VAV3: variants seen among roughly 807,000 people sequenced by gnomAD.
VAV3 encodes the protein vav guanine nucleotide exchange factor 3.
In VAV3, 94 loss-of-function variants were observed where a neutral mutation model predicts 131.2. The ratio of observed to expected loss-of-function variants is 0.72; its 90% CI spans 0.61 to 0.85. The LOEUF (loss-of-function observed/expected upper bound fraction) is 0.85. VAV3 is among the 40% of genes least tolerant of loss of function. The pLI is 0.00. For missense variants in VAV3, 939 were observed against 1,002.7 expected (o/e 0.94, Z 0.86); for synonymous variants, 349 against 342.0 (o/e 1.02, Z -0.22).
At chr1:107,668,223 A>G (rs1445822038) in intron 19 of VAV3, among the ~76,000 whole-genome samples, 1 of 152,234 alleles carries the variant, frequency 6.6e-6, no homozygotes, top group African/African-American at 2.4e-5. Flanking sequence ...TGGCTAAAAA[A>G]TAAATCTTCT....
rs112916345 is a variant in VAV3, at chr1:107,786,513, G to A, written c.322-7021C>T. 2.2e-3 allele frequency among the ~76,000 whole-genome samples: 333 copies of A among 152,246 alleles called. 4 individuals carry two copies. The highest frequency in any genetic ancestry group is 7.6e-3 in the African/African-American group (316 of 41,540). On this transcript the variant is annotated intron_variant, in intron 2 of 26. Transcript: ENST00000370056. ...CTTATCAAACAAGTTTACTTTCAGC[G>A]TTAAAGAGGTGACAGACAGACAGAT...
At chr1:107,852,275 A>G (rs1205459328) in intron 2 of VAV3, among the ~76,000 whole-genome samples, 1 of 152,228 alleles carries the variant, frequency 6.6e-6, no homozygotes, top group East Asian at 1.9e-4. Flanking sequence ...TTCCAAAAAA[A>G]TAATTTGAAG....
At chr1:107,599,254 C>T (rs557872714) in intron 24 of VAV3, among the ~76,000 whole-genome samples, 1 of 152,276 alleles carries the variant, frequency 6.6e-6, no homozygotes, top group African/African-American at 2.4e-5. Flanking sequence ...ATGTTTCTAA[C>T]TGGGTAGAAC....
intron 2 of VAV3, among the ~76,000 whole-genome samples, chr1:107,845,207 C>G (rs1281330606): frequency 6.6e-6 from 1 of 152,190 alleles, no homozygotes; most frequent in Non-Finnish European, 1.5e-5. Context: ...GCAGAGAGGC[C>G]TGACTGTGAG....
intron 1 of VAV3, among the ~76,000 whole-genome samples, chr1:107,936,298 C>T (rs1363820417): frequency 6.6e-6 from 1 of 152,026 alleles, no homozygotes; most frequent in Non-Finnish European, 1.5e-5. Flanking sequence ...GAGGAAAGTG[C>T]ATTTAGCCAA....
At chr1:107,715,772 C>G (rs1369212576) in intron 15 of VAV3, among the ~76,000 whole-genome samples, 1 of 152,136 alleles carries the variant, frequency 6.6e-6, no homozygotes, top group African/African-American at 2.4e-5. Flanking sequence ...TGTAAGAAAT[C>G]AATTCTAGAG....
intron 9 of VAV3, among the ~76,000 whole-genome samples, chr1:107,761,396 AAAAAAAAAAAAAAG>A (rs1664415960): frequency 1.3e-5 from 2 of 150,628 alleles, no homozygotes; most frequent in African/African-American, 2.4e-5. Context: ...CCGTCTCAAA[AAAAAAAAAAAAAAG>A]AAAAAAGAAA....
At chr1:107,598,755 T>C (rs927733806) in intron 24 of VAV3, among the ~76,000 whole-genome samples, 4 of 151,858 alleles carry the variant, frequency 2.6e-5, no homozygotes, top group Non-Finnish European at 4.4e-5. Flanking sequence ...AATATTGCTA[T>C]TCATTTTTTT....
intron 2 of VAV3, among the ~76,000 whole-genome samples, chr1:107,781,861 C>T (rs1665708444): frequency 6.6e-6 from 1 of 152,084 alleles, no homozygotes; most frequent in Non-Finnish European, 1.5e-5. Context: ...TTTGTAAACT[C>T]AGAAGATCAA....
intron 15 of VAV3, among the ~76,000 whole-genome samples, chr1:107,717,715 T>C (rs1661199573): frequency 6.6e-6 from 1 of 152,216 alleles, no homozygotes; most frequent in Non-Finnish European, 1.5e-5. Context: ...ATATATTCTG[T>C]TGATTTGTGG....
chr1:107,889,452 G>C (rs750049114), intron 1 of VAV3, among the ~76,000 whole-genome samples: 2 of 151,950 alleles, frequency 1.3e-5, no homozygotes, highest in African/African-American at 4.8e-5. Context: ...TTTAAAGAAA[G>C]GGACACTAGC....
chr1:107,846,968 A>T (rs1668997892), intron 2 of VAV3, among the ~76,000 whole-genome samples: 1 of 152,222 alleles, frequency 6.6e-6, no homozygotes, highest in African/African-American at 2.4e-5. Context: ...AACAGAATAT[A>T]TAATCTTCTC....
At chr1:107,761,452 G>A (rs1280382580) in intron 9 of VAV3, among the ~76,000 whole-genome samples, 1 of 151,476 alleles carries the variant, frequency 6.6e-6, no homozygotes, top group Non-Finnish European at 1.5e-5. Flanking sequence ...GCAAAATCAT[G>A]GCCCCCCAGG....
At chr1:107,796,106 T>A (rs1666524648) in intron 2 of VAV3, among the ~76,000 whole-genome samples, 1 of 151,972 alleles carries the variant, frequency 6.6e-6, no homozygotes, top group Non-Finnish European at 1.5e-5. Flanking sequence ...TATCAAACAG[T>A]ATAACAAAGT....
In VAV3 at chr1:107,640,148, A is replaced by G. The variant is rs971406912; in HGVS notation, c.1914+2471T>C. Among the ~76,000 whole-genome samples, 4 of 152,170 alleles carry G rather than the reference A, an allele frequency of 2.6e-5. No homozygotes were observed. The East Asian group carries it at 5.8e-4, about 22-fold the overall frequency. On this transcript the variant is annotated intron_variant, in intron 20 of 26. Transcript: ENST00000370056. ...TAAGAAAAATAAAAGCATTATGTCCATACAAAGAATTATATTTGAATGTTC... is the reference window on the plus strand; with the variant it reads ...TAAGAAAAATAAAAGCATTATGTCCGTACAAAGAATTATATTTGAATGTTC...
chr1:107,961,673 AT>A (rs1241594551), intron 1 of VAV3, among the ~76,000 whole-genome samples: 3 of 152,250 alleles, frequency 2.0e-5, no homozygotes, highest in Non-Finnish European at 2.9e-5. Context: ...GCATGAAAAA[AT>A]ATACTTATTT....
chr1:107,848,312 C>CAAA (rs34249858), intron 2 of VAV3, among the ~76,000 whole-genome samples: 2 of 92,164 alleles, frequency 2.2e-5, no homozygotes, highest in Non-Finnish European at 4.2e-5. Flanking sequence ...GACTCCGTCT[C>CAAA]AAAAAAAAAA....
chr1:107,843,837 G>C (rs1668841101), intron 2 of VAV3, among the ~76,000 whole-genome samples: 2 of 151,978 alleles, frequency 1.3e-5, no homozygotes, highest in African/African-American at 2.4e-5. Context: ...CTACAGAGCG[G>C]GGAGCTTTCC....
intron 2 of VAV3, among the ~76,000 whole-genome samples, chr1:107,856,714 CA>C (rs1044512277): frequency 2.6e-5 from 4 of 152,038 alleles, no homozygotes; most frequent in Non-Finnish European, 4.4e-5. Context: ...TTTTTTACTA[CA>C]AAAATCTAAT....
Sources: gnomAD v4.1 joint callset for allele counts (sites outside exome capture counted in the v4.1 genomes callset) on GRCh38, gnomAD v4.1.1 for gene constraint, MANE v1.5 for transcripts, NCBI Gene and HGNC (gene_info 2026-07-23, HGNC 2026-07-21) for gene names.